Variants in OPCML observed in about 807,000 individuals in gnomAD.
OPCML encodes the protein opioid-binding protein/cell adhesion molecule.
In OPCML, 13 loss-of-function variants were observed where a neutral mutation model predicts 37.8. The ratio of observed to expected loss-of-function variants is 0.34; its 90% confidence interval spans 0.22 to 0.55. The LOEUF (loss-of-function observed/expected upper bound fraction) is 0.55. Among genes scored for constraint, OPCML ranks in the 20% least tolerant of loss-of-function variants. OPCML has a pLI of 0.91. For synonymous variants in OPCML, 176 were observed against 168.8 expected (o/e 1.04, Z -0.33); for missense variants, 341 against 435.6 (o/e 0.78, Z 1.93).
intron 1 of OPCML, among the ~76,000 whole-genome samples, chr11:133,492,009 C>T (rs540874309): frequency 7.3e-4 from 111 of 152,264 alleles, no homozygotes; most frequent in African/African-American, 2.6e-3. Context: ...GAGGAAAGCA[C>T]GCTCAAATCA....
At chr11:133,069,754 G>A (rs576949853) in intron 1 of OPCML, among the ~76,000 whole-genome samples, 1 of 152,288 alleles carries the variant, frequency 6.6e-6, no homozygotes, top group African/African-American at 2.4e-5. Context: ...AAACACAAAG[G>A]CAGAGGTGAC....
rs76868808 is a variant in OPCML at position 133,442,880 on chromosome 11, G to A, written c.61+89384C>T. Among the ~76,000 whole-genome samples, 275 of 152,140 alleles carry A rather than the reference G, an allele frequency of 1.8e-3. 9 individuals are homozygous for A. The East Asian group carries it at 0.031, about 17-fold the overall frequency. On this transcript the variant is annotated intron_variant, in intron 1 of 7. Transcript: ENST00000524381. ...GCAAACTGTTTTCACTATTACCAAT[G>A]GGTCTTGCTTGACAGAGAAATAGAA... is the stretch of plus-strand genomic sequence containing the variant.
At chr11:133,134,521 G>T (rs1296658001) in intron 1 of OPCML, among the ~76,000 whole-genome samples, 1 of 152,176 alleles carries the variant, frequency 6.6e-6, no homozygotes, top group African/African-American at 2.4e-5. Context: ...TGTTTCCAGG[G>T]CAGTGGAGGC....
intron 1 of OPCML, among the ~76,000 whole-genome samples, chr11:133,530,094 G>T (rs554624556): frequency 3.2e-4 from 49 of 152,190 alleles, no homozygotes; most frequent in Non-Finnish European, 6.3e-4. Flanking sequence ...ATGGGGGCAG[G>T]GGGGTGGGGG....
chr11:132,763,194 T>C (rs991598776), intron 2 of OPCML, among the ~76,000 whole-genome samples: 11 of 152,184 alleles, frequency 7.2e-5, no homozygotes, highest in Non-Finnish European at 5.9e-5. Context: ...CAGTTGGAAA[T>C]GCAGAAATGA....
chr11:132,520,431 A>G (rs1250244926), intron 4 of OPCML, among the ~76,000 whole-genome samples: 4 of 152,212 alleles, frequency 2.6e-5, no homozygotes, highest in Non-Finnish European at 4.4e-5. Flanking sequence ...GGGAGCTGCT[A>G]TAAACCCACT....
intron 1 of OPCML, among the ~76,000 whole-genome samples, chr11:133,386,571 C>G (rs778140568): frequency 6.6e-6 from 1 of 152,188 alleles, no homozygotes; most frequent in Non-Finnish European, 1.5e-5. Context: ...TCCCTCTGGA[C>G]CTCTTGGGTG....
intron 1 of OPCML, among the ~76,000 whole-genome samples, chr11:133,156,284 T>C (rs945548403): frequency 6.6e-6 from 1 of 152,184 alleles, no homozygotes; most frequent in Admixed American, 6.5e-5. Context: ...TCACCCTGCC[T>C]ATCTTATTTC....
At chr11:133,341,112 G>A (rs1320136637) in intron 1 of OPCML, among the ~76,000 whole-genome samples, 2 of 152,088 alleles carry the variant, frequency 1.3e-5, no homozygotes, top group Admixed American at 6.6e-5. Flanking sequence ...CTTCTTGTGG[G>A]ACTCTGTCAA....
At chr11:132,924,147 G>C (rs1565968673) in intron 2 of OPCML, among the ~76,000 whole-genome samples, 1 of 151,854 alleles carries the variant, frequency 6.6e-6, no homozygotes, top group East Asian at 1.9e-4. Flanking sequence ...GTGTGTGTGT[G>C]TGTATGTGAA....
At chr11:133,415,045 G>A (rs1945730691) in intron 1 of OPCML, among the ~76,000 whole-genome samples, 1 of 152,180 alleles carries the variant, frequency 6.6e-6, no homozygotes, top group Non-Finnish European at 1.5e-5. Flanking sequence ...TGAGAGAGAT[G>A]TGAATTTGCG....
intron 4 of OPCML, among the ~76,000 whole-genome samples, chr11:132,463,098 G>A (rs1348180521): frequency 4.6e-5 from 7 of 152,192 alleles, no homozygotes; most frequent in African/African-American, 1.7e-4. Context: ...TGACTTGTCT[G>A]CCTAATTGCC....
intron 1 of OPCML, among the ~76,000 whole-genome samples, chr11:133,245,903 T>G (rs1940905934): frequency 6.6e-6 from 1 of 151,666 alleles, no homozygotes; most frequent in Non-Finnish European, 1.5e-5. Context: ...CATTCATAAG[T>G]GGGAGTTGAA....
chr11:132,886,893 C>T (rs1285571710), intron 2 of OPCML, among the ~76,000 whole-genome samples: 3 of 152,146 alleles, frequency 2.0e-5, no homozygotes, highest in African/African-American at 4.8e-5. Context: ...CCATCGTGCC[C>T]CGCTCGCAGA....
intron 1 of OPCML, among the ~76,000 whole-genome samples, chr11:133,458,670 C>T (rs1402619747): frequency 7.4e-6 from 1 of 134,640 alleles, no homozygotes; most frequent in Non-Finnish European, 1.5e-5. Context: ...TGTATATATA[C>T]ACATAGATGC....
intron 1 of OPCML, chr11:133,009,306 TA>T (rs1947171268): frequency 2.5e-6 from 2 of 796,482 alleles, no homozygotes; most frequent in Non-Finnish European, 3.0e-6. Context: ...CTGGCTAAGG[TA>T]ACAAAACAAC....
In OPCML at chr11:133,026,439, T is replaced by G. The variant is rs1025512486; in HGVS notation, c.62-83429A>C. On this transcript the variant is annotated intron_variant, in intron 1 of 7. Coordinates refer to ENST00000524381, the MANE Select transcript of OPCML (RefSeq NM_001012393.5). ...GGAAACCTGTTTGCATCCTCTTTTC[T>G]CATCCCTGGTTCCTGTTTTGCAACC... The G allele has an allele frequency of 3.0e-6, 3 of 985,316 alleles. No individual in the cohort carries two copies. The Admixed American group carries it at 1.8e-4, about 61-fold the overall frequency. The allele number at this position is 985,316 out of a possible 1,614,324, so 61.0% of individuals were successfully genotyped here.
Position 133,202,232 on chromosome 11 carries a change from C to T in OPCML, c.62-259222G>A, listed in dbSNP as rs1308308439. On this transcript the variant is annotated intron_variant, in intron 1 of 7. Transcript: ENST00000524381. ...TCCACCTCCGGCTGAAGCCATCCTTCCCTCCTGCACTAGGTTGGGTAGATG... is the reference window on the plus strand; with the variant it reads ...TCCACCTCCGGCTGAAGCCATCCTTTCCTCCTGCACTAGGTTGGGTAGATG... Among the ~76,000 whole-genome samples, 9 of 152,270 alleles carry T rather than the reference C, an allele frequency of 5.9e-5. 1 individual carries two copies. The highest frequency in any genetic ancestry group is 1.2e-4 in the Non-Finnish European group (8 of 68,024).
At chr11:132,461,144 G>C (rs1246947584) in intron 4 of OPCML, among the ~76,000 whole-genome samples, 2 of 152,044 alleles carry the variant, frequency 1.3e-5, no homozygotes, top group African/African-American at 4.8e-5. Flanking sequence ...CCCCTCTCCT[G>C]ACAAACAGCT....
Sources: allele counts gnomAD v4.1 joint callset (sites outside exome capture counted in the v4.1 genomes callset), GRCh38; gene constraint gnomAD v4.1.1; transcripts MANE v1.5; gene names NCBI Gene and HGNC (gene_info 2026-07-23, HGNC 2026-07-21).